Variants in ZNF317 observed in about 807,000 individuals in gnomAD.
ZNF317 encodes the protein KRAB-containing zinc finger protein 317.
ZNF317 carries 17 observed loss-of-function variants against 23.4 expected under a neutral mutation model. The ratio of observed to expected loss-of-function variants is 0.73; its 90% confidence interval spans 0.50 to 1.09. The LOEUF (loss-of-function observed/expected upper bound fraction) is 1.09, where lower values mean the gene tolerates loss of function less well. ZNF317 is among the 50% of genes least tolerant of loss of function. The pLI, the probability that ZNF317 is intolerant of heterozygous loss-of-function variation, is 0.00. For missense variants in ZNF317, 679 were observed against 796.7 expected, an observed-to-expected ratio of 0.85 and a Z score of 1.78; for synonymous variants, 317 against 314.9, an observed-to-expected ratio of 1.01 and a Z score of -0.07.
chr19:9,156,022 A>G lies in ZNF317; in HGVS notation c.6A>G (p.Ala2=), dbSNP rs1411303172. ...CTGACTGCCATTCTCTGAGGATGGCAGCTCTGTCCCCCACATTTGGTAAGT... is the reference window on the plus strand; with the variant it reads ...CTGACTGCCATTCTCTGAGGATGGCGGCTCTGTCCCCCACATTTGGTAAGT... M[A]ALSPTFATST... is the part of the protein sequence containing the mutation. Residue 2 remains alanine (A), a synonymous_variant, in exon 2 of 7, where the codon GCA becomes GCG. Transcript: ENST00000247956. The G allele has an allele frequency of 1.9e-6, 3 of 1,614,192 alleles. No individual in the cohort carries two copies. The highest frequency in any genetic ancestry group is 2.5e-6 in the Non-Finnish European group (3 of 1,180,050).
rs1173415571 is a variant in ZNF317, at chr19:9,160,869, C to T, written c.1224C>T (p.His408=). ...SFGDLVSRRK[H]MRIHIVKKPV... is the part of the protein sequence containing the mutation. ...GCGATCTCGTGTCCCGGAGGAAACA[C>T]ATGAGGATTCACATCGTCAAGAAAC... The change falls in exon 7 of 7, where the codon CAC becomes CAT. Residue 408 remains histidine (H), a synonymous_variant. Coordinates refer to ENST00000247956, the MANE Select transcript of ZNF317 (RefSeq NM_020933.5). This position sits in a 1 kb window ranked among gnomAD's most constrained non-coding sequence, Gnocchi z 6.8. 6.2e-7 allele frequency: 1 copy of T among 1,614,210 alleles called. No homozygotes were observed. Among genetic ancestry groups the T allele is most frequent in the Non-Finnish European group, 8.5e-7 (1 of 1,180,032 alleles).
Position 9,156,628 on chromosome 19 carries a change from T to A in ZNF317, c.42T>A (p.Asp14Glu). The change falls in exon 3 of 7, where the codon GAT becomes GAA. Residue 14 changes from aspartate (D) to glutamate (E), a missense_variant. Physicochemically the swap from Asp to Glu is conservative, Grantham distance 45. Coordinates refer to ENST00000247956, the MANE Select transcript of ZNF317 (RefSeq NM_020933.5). ...LSPTFATSTQ[D>E]STCLQDSEFP... ...CTCCTCCAGCCACGTCCACCCAGGA[T>A]TCCACCTGTCTCCAGGACTCAGAAT... 1.2e-6 allele frequency: 2 copies of A among 1,614,120 alleles called. No individual in the cohort carries two copies. Among genetic ancestry groups the A allele is most frequent in the Non-Finnish European group, 1.7e-6 (2 of 1,179,998 alleles).
At chr19:9,157,485 T>G in intron 4 of ZNF317, 91 bp downstream of exon 4, 4 of 1,532,412 alleles carry the variant, frequency 2.6e-6, no homozygotes, top group Non-Finnish European at 3.6e-6. Flanking sequence ...ATGCAGCGGT[T>G]CAGAACGCAG....
intron 2 of ZNF317, among the ~76,000 whole-genome samples, chr19:9,156,291 T>G (rs1353108098): frequency 6.6e-6 from 1 of 152,056 alleles, no homozygotes; most frequent in East Asian, 1.9e-4. Context: ...TAACCCTGAG[T>G]TATCTCATTT....
At position 9,161,147 on chromosome 19, in the gene ZNF317, G is replaced by A. The variant is rs747262264; in HGVS notation, c.1502G>A (p.Arg501Gln). 4 of 1,614,046 alleles carry A rather than the reference G, an allele frequency of 2.5e-6. No individual in the cohort carries two copies. The highest frequency in any genetic ancestry group is 1.3e-5 in the African/African-American group (1 of 74,916). ...ATGAGCGTTCACCTTGTAAAGAAAC[G>A]AGTTGAGTGTAGGCAGTGTGGCAAG... The part of the protein sequence containing the change: ...RHMSVHLVKK[R>Q]VECRQCGKAF... Residue 501 changes from arginine (R) to glutamine (Q), a missense_variant, in exon 7 of 7, where the codon CGA becomes CAA. Coordinates refer to ENST00000247956, the MANE Select transcript of ZNF317 (RefSeq NM_020933.5). The surrounding 1 kb of genome is among the most constrained non-coding windows in gnomAD (Gnocchi z 4.0).
Position 9,160,447 on chromosome 19 carries a change from C to G in ZNF317, c.802C>G (p.His268Asp). 6.2e-7 allele frequency: 1 copy of G among 1,614,156 alleles called. No homozygotes were observed. Among genetic ancestry groups the G allele is most frequent in the Non-Finnish European group, 8.5e-7 (1 of 1,180,030 alleles). ...CAACGACCCTTCAGCCCTTAGGAGC[C>G]ACGCAAGAACTCACCTCAAAGAGAA... is the stretch of plus-strand genomic sequence containing the variant. ...AFNDPSALRS[H>D]ARTHLKEKPF... Residue 268 changes from histidine to aspartate, a missense_variant, in exon 7 of 7, where the codon CAC becomes GAC. By Grantham distance (81) the His-to-Asp change is moderately conservative. Transcript: ENST00000247956. The surrounding 1 kb of genome is among the most constrained non-coding windows in gnomAD (Gnocchi z 6.8).
Position 9,160,209 on chromosome 19 carries a change from C to T in ZNF317, c.564C>T (p.His188=), listed in dbSNP as rs140734318. The stretch of plus-strand genomic sequence containing the variant: ...ATCTCACTCAGCCAATGGGAAGGCA[C>T]GCTGGCAAGAGGCCCTATCACCGCC... ...DPHLTQPMGR[H]AGKRPYHRRD... Residue 188 remains histidine (H), a synonymous_variant, in exon 7 of 7, where the codon CAC becomes CAT. Coordinates refer to ENST00000247956, the MANE Select transcript of ZNF317 (RefSeq NM_020933.5). This position sits in a 1 kb window ranked among gnomAD's most constrained non-coding sequence, Gnocchi z 6.8. The T allele has an allele frequency of 6.9e-5, 111 of 1,614,080 alleles. No individual in the cohort carries two copies. The highest frequency in any genetic ancestry group is 6.3e-4 in the African/African-American group (47 of 75,016).
chr19:9,161,229 A>G lies in ZNF317; in HGVS notation c.1584A>G (p.Lys528=). 2 of 1,614,154 alleles carry G rather than the reference A, an allele frequency of 1.2e-6. No homozygotes were observed. Among genetic ancestry groups the G allele is most frequent in the Non-Finnish European group, 1.7e-6 (2 of 1,180,014 alleles). ...KTHMRSHTGE[K]PYECDHCGKA... ...ACATGCGAAGCCACACGGGGGAGAA[A>G]CCGTACGAATGCGATCACTGTGGGA... The change falls in exon 7 of 7, where the codon AAA becomes AAG. Residue 528 remains lysine, a synonymous_variant. Transcript: ENST00000247956. The surrounding 1 kb of genome is among the most constrained non-coding windows in gnomAD (Gnocchi z 4.0).
At chr19:9,140,805 T>C (rs1242761027) in intron 1 of ZNF317, among the ~76,000 whole-genome samples, 1 of 151,942 alleles carries the variant, frequency 6.6e-6, no homozygotes, top group Non-Finnish European at 1.5e-5. Context: ...GAGAGAAGCA[T>C]TGGTCACCTG....
chr19:9,157,881 C>T (rs1459447767), intron 4 of ZNF317, 99 bp from the exon 5 acceptor site: 1 of 1,435,478 alleles, frequency 7.0e-7, no homozygotes, highest in African/African-American at 1.4e-5. Flanking sequence ...ACTTGTCCAC[C>T]CTCAGAACAC....
intron 1 of ZNF317, among the ~76,000 whole-genome samples, chr19:9,147,330 G>GTCTTTTTT (rs2050692474): frequency 9.1e-6 from 1 of 110,172 alleles, no homozygotes; most frequent in African/African-American, 3.9e-5. Context: ...AATGACACTG[G>GTCTTTTTT]TTTTTTTTTT....
chr19:9,159,755 C>T (rs568438173), intron 6 of ZNF317, among the ~76,000 whole-genome samples: 1 of 152,226 alleles, frequency 6.6e-6, no homozygotes, highest in South Asian at 2.1e-4. Flanking sequence ...CCATGTTAGC[C>T]AGGCTGGTCT....
chr19:9,161,232 G>A lies in ZNF317; in HGVS notation c.1587G>A (p.Pro529=), dbSNP rs763488817. ...THMRSHTGEK[P]YECDHCGKAF... is the part of the protein sequence containing the mutation. ...TGCGAAGCCACACGGGGGAGAAACC[G>A]TACGAATGCGATCACTGTGGGAAGG... Residue 529 remains proline (P), a synonymous_variant, in exon 7 of 7, where the codon CCG becomes CCA. Coordinates refer to ENST00000247956, the MANE Select transcript of ZNF317 (RefSeq NM_020933.5). This position sits in a 1 kb window ranked among gnomAD's most constrained non-coding sequence, Gnocchi z 4.0. 1.1e-5 allele frequency: 18 copies of A among 1,614,014 alleles called. No homozygotes were observed. Among genetic ancestry groups the A allele is most frequent in the African/African-American group, 1.3e-5 (1 of 74,910 alleles).
chr19:9,150,435 G>A (rs909797437), intron 1 of ZNF317, among the ~76,000 whole-genome samples: 6 of 152,144 alleles, frequency 3.9e-5, no homozygotes, highest in Non-Finnish European at 7.4e-5. Flanking sequence ...CAGAACTGTG[G>A]GCTTGCATTA....
rs1398829313 is a variant in ZNF317, at chr19:9,156,678, C to T, written c.92C>T (p.Ser31Phe). 5 of 1,614,044 alleles carry T rather than the reference C, an allele frequency of 3.1e-6. No individual in the cohort carries two copies. Among genetic ancestry groups the T allele is most frequent in the Non-Finnish European group, 4.2e-6 (5 of 1,180,040 alleles). ...SEFPVSSKDHSCPQNLDLFVC... is the reference protein window; with the variant it reads ...SEFPVSSKDHFCPQNLDLFVC... The stretch of plus-strand genomic sequence containing the variant: ...TTTCCTGTTTCTTCAAAAGACCATT[C>T]CTGTCCCCAGAATTTGGACCTGTTC... Residue 31 changes from serine to phenylalanine, a missense_variant, in exon 3 of 7, where the codon TCC becomes TTC. Transcript: ENST00000247956.
At chr19:9,156,556 T>C in intron 2 of ZNF317, 56 bp from the exon 3 acceptor site, 1 of 1,579,966 alleles carries the variant, frequency 6.3e-7, no homozygotes, top group Non-Finnish European at 8.6e-7. Context: ...TTTACAAGTG[T>C]TGTATTATGA....
chr19:9,161,489 G>C lies in ZNF317; in HGVS notation c.*56G>C, dbSNP rs564023468. Reference sequence around the variant, plus strand: ...CAGACCGGAAACAGACCTCGTGGGTGTAAGAGGAAGCCTCTGTGAGCTCGC... The same window carrying C: ...CAGACCGGAAACAGACCTCGTGGGTCTAAGAGGAAGCCTCTGTGAGCTCGC... On this transcript the variant is annotated 3_prime_UTR_variant, in exon 7 of 7. Coordinates refer to ENST00000247956, the MANE Select transcript of ZNF317 (RefSeq NM_020933.5). This position sits in a 1 kb window ranked among gnomAD's most constrained non-coding sequence, Gnocchi z 4.0. 6.5e-7 allele frequency: 1 copy of C among 1,549,544 alleles called. No homozygotes were observed. Among genetic ancestry groups the C allele is most frequent in the East Asian group, 2.3e-5 (1 of 44,262 alleles).
At chr19:9,152,190 G>T (rs576668026) in intron 1 of ZNF317, among the ~76,000 whole-genome samples, 5 of 151,926 alleles carry the variant, frequency 3.3e-5, no homozygotes, top group Non-Finnish European at 5.9e-5. Flanking sequence ...ACAGGCGTGA[G>T]CCACCGTGCC....
chr19:9,148,057 G>T (rs2050703643), intron 1 of ZNF317, among the ~76,000 whole-genome samples: 1 of 152,094 alleles, frequency 6.6e-6, no homozygotes. Flanking sequence ...TTCACCATAT[G>T]CTTTGCCTGC....
Sources: allele counts gnomAD v4.1 joint callset (sites outside exome capture counted in the v4.1 genomes callset), GRCh38; gene constraint gnomAD v4.1.1; non-coding constraint Gnocchi (gnomAD v3.1); transcripts MANE v1.5; gene names NCBI Gene and HGNC (gene_info 2026-07-23, HGNC 2026-07-21).